UNC13C: variants seen among roughly 807,000 people sequenced by gnomAD.
UNC13C encodes the protein unc-13 homolog C, also known as protein unc-13 homolog C.
UNC13C carries 174 observed loss-of-function variants against 245.4 expected under a neutral mutation model. That is an observed-to-expected ratio of 0.71 (90% CI 0.63 to 0.80). The LOEUF (loss-of-function observed/expected upper bound fraction) is 0.80, where lower values mean the gene tolerates loss of function less well. UNC13C is among the 30% of genes least tolerant of loss of function. The pLI is 0.00. For synonymous variants in UNC13C, 992 were observed against 895.1 expected, an observed-to-expected ratio of 1.11 and a Z score of -1.93; for missense variants, 2,829 against 2,602.9, an observed-to-expected ratio of 1.09 and a Z score of -1.89.
the UNC13C span, among the ~76,000 whole-genome samples, chr15:53,892,020 A>C: frequency 6.6e-6 from 1 of 152,082 alleles, no homozygotes; most frequent in African/African-American, 2.4e-5. Flanking sequence ...TTCCAAGTTT[A>C]GTGTTTCCTT....
rs544561400 is a variant in UNC13C, at chr15:54,384,841, T to C, written c.4714-8207T>C. 3.4e-4 allele frequency among the ~76,000 whole-genome samples: 52 copies of C among 152,196 alleles called. 2 individuals are homozygous for C. In the South Asian group the frequency reaches 0.01, roughly 30 times the overall value. Reference sequence around the variant, plus strand: ...AAAAAATAATAATTCTATTAAAAAGTGGGCAAAGGATATGAATAGATATTT... The same window carrying C: ...AAAAAATAATAATTCTATTAAAAAGCGGGCAAAGGATATGAATAGATATTT... On this transcript the variant is annotated intron_variant, in intron 17 of 32. Transcript: ENST00000260323.
At chr15:53,863,379 G>A in the UNC13C span, among the ~76,000 whole-genome samples, 1 of 152,154 alleles carries the variant, frequency 6.6e-6, no homozygotes, top group Admixed American at 6.6e-5. Context: ...ATTTCTAATT[G>A]TGTAAATTAG....
At chr15:54,511,947 A>T (rs1314433913) in intron 24 of UNC13C, 117 bp downstream of exon 24, 1 of 708,588 alleles carries the variant, frequency 1.4e-6, no homozygotes, top group African/African-American at 1.8e-5. Flanking sequence ...AGAACAGGAA[A>T]TGATAATAAT....
intron 17 of UNC13C, among the ~76,000 whole-genome samples, chr15:54,385,965 T>G (rs1371267655): frequency 2.0e-5 from 3 of 152,160 alleles, no homozygotes; most frequent in Admixed American, 6.5e-5. Flanking sequence ...TCAGGAGTTG[T>G]GACATTTGAG....
At chr15:53,859,165 A>G in the UNC13C span, among the ~76,000 whole-genome samples, 1 of 152,174 alleles carries the variant, frequency 6.6e-6, no homozygotes, top group Non-Finnish European at 1.5e-5. Flanking sequence ...AAAGAACCCT[A>G]TGAAGTCTTT....
At chr15:54,334,532 C>T (rs1490852021) in intron 16 of UNC13C, among the ~76,000 whole-genome samples, 1 of 151,932 alleles carries the variant, frequency 6.6e-6, no homozygotes, top group East Asian at 1.9e-4. Flanking sequence ...TAAATAGCAA[C>T]AATTTTTTTC....
At chr15:53,989,956 T>C (rs1229401475) in intron 1 of UNC13C, among the ~76,000 whole-genome samples, 2 of 151,938 alleles carry the variant, frequency 1.3e-5, no homozygotes, top group East Asian at 3.9e-4. Context: ...TGATTCCATA[T>C]TTATGTTTCT....
intron 31 of UNC13C, among the ~76,000 whole-genome samples, chr15:54,623,287 T>G (rs1236085493): frequency 6.6e-6 from 1 of 152,042 alleles, no homozygotes; most frequent in Non-Finnish European, 1.5e-5. Flanking sequence ...GAGCAAAATA[T>G]TATTAGCAGT....
At chr15:53,932,407 A>T in the UNC13C span, among the ~76,000 whole-genome samples, 1 of 152,214 alleles carries the variant, frequency 6.6e-6, no homozygotes, top group Admixed American at 6.5e-5. Flanking sequence ...TAATATTCAC[A>T]GGTACCCCAT....
Position 54,267,573 on chromosome 15 carries a change from A to G in UNC13C, c.3818+2077A>G, listed in dbSNP as rs1056614177. Among the ~76,000 whole-genome samples, 5 of 152,218 alleles carry G rather than the reference A, an allele frequency of 3.3e-5. No homozygotes were observed. In the South Asian group the frequency reaches 1.0e-3, roughly 32 times the overall value. ...TATTTCTGTATCTATTGAGATGATCATATGATTCTGACTGTCATTTTAATT... is the reference window on the plus strand; with the variant it reads ...TATTTCTGTATCTATTGAGATGATCGTATGATTCTGACTGTCATTTTAATT... On this transcript the variant is annotated intron_variant, in intron 10 of 32. Transcript: ENST00000260323.
chr15:54,626,749 T>A, intron 32 of UNC13C, 79 bp from the exon 33 acceptor site: 1 of 1,232,504 alleles, frequency 8.1e-7, no homozygotes, highest in African/African-American at 1.5e-5. Context: ...TATACAGTTT[T>A]CAGCAGTATT....
chr15:53,931,432 G>A, the UNC13C span, among the ~76,000 whole-genome samples: 1 of 152,132 alleles, frequency 6.6e-6, no homozygotes, highest in Non-Finnish European at 1.5e-5. Flanking sequence ...ACTTCCCAGA[G>A]TGCTGGGATT....
chr15:54,390,049 A>G (rs2039922147), intron 17 of UNC13C, among the ~76,000 whole-genome samples: 1 of 152,106 alleles, frequency 6.6e-6, no homozygotes, highest in Admixed American at 6.6e-5. Flanking sequence ...TTTTTCTACC[A>G]GAGGTCTCCT....
rs56255946 is a variant in UNC13C at position 54,138,953 on chromosome 15, ATTTTT to A, written c.2984-4044_2984-4040del. 2.6e-3 allele frequency among the ~76,000 whole-genome samples: 127 copies of A among 48,640 alleles called. 2 individuals are homozygous for A. Among genetic ancestry groups the A allele is most frequent in the Non-Finnish European group, 3.8e-3 (108 of 28,644 alleles). The allele number at this position is 48,640 out of a possible 152,430, so 31.9% of individuals were successfully genotyped here. A position where few individuals can be genotyped will look rare whatever the true frequency, so the allele number is the denominator to read the frequency against. On this transcript the variant is annotated intron_variant, in intron 2 of 32. Coordinates refer to ENST00000260323, the MANE Select transcript of UNC13C (RefSeq NM_001080534.3). The stretch of plus-strand genomic sequence containing the variant: ...TGCATATATCTCCAAATTTCCCCTA[ATTTTT>A]TTTTTTTTTTTTTTTTTTTTGAGAC...
At chr15:54,242,649 C>T (rs1301540664) in intron 7 of UNC13C, among the ~76,000 whole-genome samples, 1 of 151,956 alleles carries the variant, frequency 6.6e-6, no homozygotes, top group African/African-American at 2.4e-5. Context: ...CACTCTGAAA[C>T]TACTTTTCTA....
At chr15:54,105,767 T>C (rs1046451265) in intron 2 of UNC13C, among the ~76,000 whole-genome samples, 1 of 151,902 alleles carries the variant, frequency 6.6e-6, no homozygotes, top group Non-Finnish European at 1.5e-5. Flanking sequence ...AAGTGAAGAG[T>C]ATGTAAGTGG....
intron 4 of UNC13C, among the ~76,000 whole-genome samples, chr15:54,184,657 C>T (rs2033913764): frequency 6.6e-6 from 1 of 152,152 alleles, no homozygotes; most frequent in Admixed American, 6.5e-5. Flanking sequence ...TTTCTTAATC[C>T]AGTCCATCAT....
chr15:53,853,091 G>T, the UNC13C span, among the ~76,000 whole-genome samples: 1 of 151,764 alleles, frequency 6.6e-6, no homozygotes, highest in African/African-American at 2.4e-5. Context: ...CTTGTGCCAT[G>T]GTGGTTTGCT....
chr15:54,291,041 A>G (rs990930919), intron 10 of UNC13C, among the ~76,000 whole-genome samples: 1 of 152,120 alleles, frequency 6.6e-6, no homozygotes, highest in Middle Eastern at 3.2e-3. Context: ...GATAAGAATG[A>G]AATAAACTAG....
Sources: allele counts gnomAD v4.1 joint callset (sites outside exome capture counted in the v4.1 genomes callset), GRCh38; gene constraint gnomAD v4.1.1; transcripts MANE v1.5; gene names NCBI Gene and HGNC (gene_info 2026-07-23, HGNC 2026-07-21).